Variants in IFT140 observed in about 807,000 individuals in gnomAD.
The protein encoded by IFT140 is intraflagellar transport 140.
In IFT140, 133 loss-of-function variants were observed where a neutral mutation model predicts 164.6. That is an observed-to-expected ratio of 0.81 (90% CI 0.70 to 0.93). The LOEUF (loss-of-function observed/expected upper bound fraction) is 0.93, where lower values mean the gene tolerates loss of function less well. Ranked by LOEUF, IFT140 falls within the 40% of genes least tolerant of loss-of-function variation. The pLI, the probability that IFT140 is intolerant of heterozygous loss-of-function variation, is 0.00. For missense variants in IFT140, 2,045 were observed against 1,972.3 expected, an observed-to-expected ratio of 1.04 and a Z score of -0.70; for synonymous variants, 860 against 817.3, an observed-to-expected ratio of 1.05 and a Z score of -0.89.
In IFT140 at chr16:1,516,019, A is replaced by C. The variant is rs557739958; in HGVS notation, c.4182+2197T>G. Among the ~76,000 whole-genome samples, 4 of 152,128 alleles carry C rather than the reference A, an allele frequency of 2.6e-5. No individual in the cohort carries two copies. In the East Asian group the frequency reaches 7.8e-4, roughly 29 times the overall value. On this transcript the variant is annotated intron_variant, in intron 30 of 30. Coordinates refer to ENST00000426508, the MANE Select transcript of IFT140 (RefSeq NM_014714.4). ...GCCAGGCGTGGTGGCGCATGCCTGT[A>C]ATCCCAGCTACTCCGGAGGCTGAGG...
At chr16:1,536,075 G>A (rs577418337) in intron 19 of IFT140, among the ~76,000 whole-genome samples, 6 of 152,226 alleles carry the variant, frequency 3.9e-5, no homozygotes, top group Admixed American at 1.3e-4. Context: ...CATCACTGGC[G>A]TCCAGCCCAC....
rs892231164 is a variant in IFT140 at position 1,551,776 on chromosome 16, G to A, written c.2399+6159C>T. ...AGGCCACACCACACGTGCGTGGTCC[G>A]GCAGATCCGGCAAGATCAACTCTGC... is the stretch of plus-strand genomic sequence containing the variant. On this transcript the variant is annotated intron_variant, in intron 19 of 30. Coordinates refer to ENST00000426508, the MANE Select transcript of IFT140 (RefSeq NM_014714.4). This position sits in a 1 kb window ranked among gnomAD's most constrained non-coding sequence, Gnocchi z 4.0. Among the ~76,000 whole-genome samples, 2 of 152,188 alleles carry A rather than the reference G, an allele frequency of 1.3e-5. No individual in the cohort carries two copies. Among genetic ancestry groups the A allele is most frequent in the African/African-American group, 2.4e-5 (1 of 41,444 alleles).
At chr16:1,566,599 T>C (rs981926428) in intron 15 of IFT140, among the ~76,000 whole-genome samples, 1 of 152,150 alleles carries the variant, frequency 6.6e-6, no homozygotes, top group Non-Finnish European at 1.5e-5. Flanking sequence ...GCAGCTGGGA[T>C]TGCAGGTGCG....
At chr16:1,528,507 G>T (rs2030057564) in intron 19 of IFT140, among the ~76,000 whole-genome samples, 1 of 150,368 alleles carries the variant, frequency 6.7e-6, no homozygotes, top group Non-Finnish European at 1.5e-5. Flanking sequence ...ACACACACAT[G>T]CAGGCACACA....
intron 19 of IFT140, chr16:1,534,142 C>A: frequency 1.7e-6 from 2 of 1,161,468 alleles, no homozygotes; most frequent in Non-Finnish European, 1.2e-6. Context: ...ATCCCATGGG[C>A]CTCCGCCCGC....
intron 3 of IFT140, among the ~76,000 whole-genome samples, chr16:1,605,713 CT>C (rs1398309294): frequency 3.9e-5 from 6 of 152,068 alleles, no homozygotes; most frequent in African/African-American, 1.4e-4. Flanking sequence ...ACCTCATTTT[CT>C]TTATGGAATA....
intron 14 of IFT140, 79 bp from the exon 15 acceptor site, chr16:1,568,413 A>C: frequency 8.7e-7 from 1 of 1,150,114 alleles, no homozygotes. Flanking sequence ...ACCTCTGTTC[A>C]CCGGATGAGT....
rs2235647 is a variant in IFT140 at position 1,551,330 on chromosome 16, C to A, written c.2399+6605G>T. On this transcript the variant is annotated intron_variant, in intron 19 of 30. Coordinates refer to ENST00000426508, the MANE Select transcript of IFT140 (RefSeq NM_014714.4). This position sits in a 1 kb window ranked among gnomAD's most constrained non-coding sequence, Gnocchi z 4.0. ...TCTAAGCCGAGGCCCGAAGGATCAG[C>A]AGCAGGAGGGGCCCCTCCTCCCCAG... is the stretch of plus-strand genomic sequence containing the variant. 0.37 allele frequency among the ~76,000 whole-genome samples: 55,978 copies of A among 151,776 alleles called. 12,229 individuals are homozygous for A. Among genetic ancestry groups the A allele is most frequent in the African/African-American group, 0.61 (25,221 of 41,362 alleles).
intron 16 of IFT140, among the ~76,000 whole-genome samples, chr16:1,565,796 C>T (rs1002858868): frequency 6.6e-6 from 1 of 152,216 alleles, no homozygotes; most frequent in African/African-American, 2.4e-5. Context: ...GATTGTTCTC[C>T]CCAGAAGTAC....
At chr16:1,541,612 C>A (rs1195645444) in intron 19 of IFT140, 1 of 504,826 alleles carries the variant, frequency 2.0e-6, no homozygotes, top group Non-Finnish European at 2.6e-6. Context: ...TCAAGTCAGG[C>A]AGAGAGGAAC....
In IFT140 at chr16:1,520,644, G is replaced by C. The variant is rs372009015; in HGVS notation, c.3618C>G (p.His1206Gln). The C allele has an allele frequency of 6.2e-7, 1 of 1,600,822 alleles. No homozygotes were observed. Among genetic ancestry groups the C allele is most frequent in the East Asian group, 2.3e-5 (1 of 44,422 alleles). ...ADCCMRQGSYHLATKKYTQAG... is the reference protein window; with the variant it reads ...ADCCMRQGSYQLATKKYTQAG... ...CCTGCGTGTACTTCTTGGTGGCCAG[G>C]TGGTAGCTGCCCTGGCGCATGCAGC... Residue 1206 changes from histidine to glutamine, a missense_variant, in exon 27 of 31, where the codon CAC becomes CAG. His to Gln is a conservative substitution (Grantham distance 24, BLOSUM62 0). Coordinates refer to ENST00000426508, the MANE Select transcript of IFT140 (RefSeq NM_014714.4).
At position 1,589,697 on chromosome 16, in the gene IFT140, C is replaced by T. The variant is rs200556624; in HGVS notation, c.718G>A (p.Glu240Lys). Residue 240 changes from glutamate (E) to lysine (K), a missense_variant, in exon 7 of 31, where the codon GAG (glutamate) becomes AAG (lysine). Physicochemically the swap from Glu to Lys is moderately conservative, Grantham distance 56 (BLOSUM62 1). Transcript: ENST00000426508. The stretch of plus-strand genomic sequence containing the variant: ...ACCACCACCAGTGCCTCCCTCTTCT[C>T]CATGTAGAACAGCATCTGAATCGTG... ...DSTIQMLFYMEKREALVVVTE... is the reference protein window; with the variant it reads ...DSTIQMLFYMKKREALVVVTE... 3.1e-6 allele frequency: 5 copies of T among 1,614,160 alleles called. No individual in the cohort carries two copies. In the East Asian group the frequency reaches 8.9e-5, roughly 29 times the overall value.
intron 4 of IFT140, among the ~76,000 whole-genome samples, chr16:1,595,938 C>T (rs2035442739): frequency 1.3e-5 from 2 of 151,954 alleles, no homozygotes; most frequent in Admixed American, 1.3e-4. Context: ...CTGCTGTAAT[C>T]CCAGCTACTT....
intron 13 of IFT140, among the ~76,000 whole-genome samples, chr16:1,575,993 A>G (rs2034254158): frequency 1.3e-5 from 2 of 152,206 alleles, no homozygotes. Flanking sequence ...TTTTCAATAA[A>G]GATATTTAAA....
intron 15 of IFT140, 77 bp from the exon 16 acceptor site, chr16:1,566,368 CACAGCACAT>C: frequency 6.9e-7 from 1 of 1,447,964 alleles, no homozygotes; most frequent in South Asian, 1.2e-5. Flanking sequence ...AGGGGACTGA[CACAGCACAT>C]GTCAAGAGAA....
At chr16:1,595,341 G>C (rs1341944895) in intron 4 of IFT140, among the ~76,000 whole-genome samples, 2 of 151,970 alleles carry the variant, frequency 1.3e-5, no homozygotes, top group African/African-American at 4.8e-5. Context: ...TTACAGACCA[G>C]GCTTGGTGGC....
At chr16:1,585,886 G>T (rs938815427) in intron 10 of IFT140, among the ~76,000 whole-genome samples, 4 of 149,036 alleles carry the variant, frequency 2.7e-5, no homozygotes, top group Non-Finnish European at 5.9e-5. Context: ...TTCTCCTGCC[G>T]CAGCCTCCTG....
At chr16:1,607,672 C>G (rs2036145765) in intron 2 of IFT140, among the ~76,000 whole-genome samples, 1 of 152,218 alleles carries the variant, frequency 6.6e-6, no homozygotes, top group Non-Finnish European at 1.5e-5. Flanking sequence ...TAGACCAAGT[C>G]TTGCTCTGTC....
intron 19 of IFT140, among the ~76,000 whole-genome samples, chr16:1,538,235 G>A: frequency 6.6e-6 from 1 of 152,216 alleles, no homozygotes; most frequent in Non-Finnish European, 1.5e-5. Context: ...CTTGGAGGCT[G>A]CAGAGTGGCT....
Sources: allele counts gnomAD v4.1 joint callset (sites outside exome capture counted in the v4.1 genomes callset), GRCh38; gene constraint gnomAD v4.1.1; non-coding constraint Gnocchi (gnomAD v3.1); transcripts MANE v1.5; gene names NCBI Gene and HGNC (gene_info 2026-07-23, HGNC 2026-07-21).